CYP2C18: variants seen among roughly 807,000 people sequenced by gnomAD.
CYP2C18 encodes cytochrome P450 2C18.
CYP2C18 carries 38 observed loss-of-function variants against 41.3 expected under a neutral mutation model. The observed-to-expected ratio is 0.92, with a 90% CI of 0.71 to 1.21. The LOEUF is 1.21. Ranked by LOEUF, CYP2C18 falls within the 50% of genes most tolerant of loss-of-function variation. CYP2C18 has a pLI of 0.00. For missense variants in CYP2C18, 635 were observed against 591.4 expected, an observed-to-expected ratio of 1.07 and a Z score of -0.77; for synonymous variants, 236 against 210.0, an observed-to-expected ratio of 1.12 and a Z score of -1.07.
chr10:94,730,449 A>G (rs55897352), intron 7 of CYP2C18, among the ~76,000 whole-genome samples: 1,847 of 152,306 alleles, frequency 0.012, 53 homozygotes, highest in African/African-American at 0.043. Flanking sequence ...TGTTTGATAA[A>G]TACATCCAGA....
intron 7 of CYP2C18, among the ~76,000 whole-genome samples, chr10:94,725,288 T>C (rs1009096940): frequency 2.0e-5 from 3 of 151,926 alleles, no homozygotes; most frequent in South Asian, 2.1e-4. Context: ...TCTTTGTTTC[T>C]GGTACATGGA....
intron 5 of CYP2C18, among the ~76,000 whole-genome samples, chr10:94,712,465 C>T (rs1847456546): frequency 6.6e-6 from 1 of 151,870 alleles, no homozygotes; most frequent in Non-Finnish European, 1.5e-5. Context: ...CCTGACCTGA[C>T]TTTACTTAGC....
In CYP2C18 at chr10:94,688,067, C is replaced by T; in HGVS notation, c.332-58C>T. ...ACCTGTCCACGTGGCTGCCGAGTGT[C>T]AGCTCTCTTGTCCTTGTTTGGATTC... On this transcript the variant is annotated intron_variant, in intron 2 of 8. Coordinates refer to ENST00000285979, the MANE Select transcript of CYP2C18 (RefSeq NM_000772.3). 2.5e-6 allele frequency: 4 copies of T among 1,610,176 alleles called. No homozygotes were observed. The South Asian group carries it at 3.3e-5, about 13-fold the overall frequency.
At chr10:94,697,470 C>A (rs1847139760) in intron 4 of CYP2C18, among the ~76,000 whole-genome samples, 1 of 152,134 alleles carries the variant, frequency 6.6e-6, no homozygotes, top group Admixed American at 6.5e-5. Context: ...TACAAGAGCT[C>A]CTGAAGGAAG....
chr10:94,697,012 C>T (rs1332459037), intron 4 of CYP2C18, among the ~76,000 whole-genome samples: 9 of 152,132 alleles, frequency 5.9e-5, no homozygotes, highest in Admixed American at 5.9e-4. Flanking sequence ...GATTGGTGTA[C>T]CTGAAAGTGA....
At chr10:94,729,419 C>T (rs571122964) in intron 7 of CYP2C18, among the ~76,000 whole-genome samples, 5 of 152,044 alleles carry the variant, frequency 3.3e-5, no homozygotes, top group Admixed American at 2.6e-4. Flanking sequence ...GGGTAATCTT[C>T]CTAACAGCTC....
chr10:94,698,953 C>A (rs1847177618), intron 4 of CYP2C18, among the ~76,000 whole-genome samples: 1 of 152,122 alleles, frequency 6.6e-6, no homozygotes, highest in Admixed American at 6.6e-5. Flanking sequence ...CCTGAATAGA[C>A]CAATAACAGG....
intron 5 of CYP2C18, among the ~76,000 whole-genome samples, chr10:94,712,031 A>C (rs1325703295): frequency 1.5e-5 from 1 of 66,188 alleles, no homozygotes; most frequent in African/African-American, 8.6e-5. Context: ...TTTTTTTTGT[A>C]GAGATAGGGT....
chr10:94,726,216 T>C (rs2134207296), intron 7 of CYP2C18, among the ~76,000 whole-genome samples: 1 of 152,158 alleles, frequency 6.6e-6, no homozygotes, highest in African/African-American at 2.4e-5. Context: ...TTTTTTATTA[T>C]ACTTTAAGTT....
intron 3 of CYP2C18, among the ~76,000 whole-genome samples, chr10:94,689,127 A>G (rs1326641749): frequency 1.3e-5 from 2 of 152,162 alleles, no homozygotes; most frequent in Non-Finnish European, 2.9e-5. Flanking sequence ...AGCTGGTGTT[A>G]TTTAATGTTA....
Position 94,695,697 on chromosome 10 carries a change from G to A in CYP2C18, c.642+620G>A, listed in dbSNP as rs539993919. ...AGCAGGGTGAGGCATTGCCTCACCC[G>A]GGAAGCACAAGGGGTCAGGGAATTC... On this transcript the variant is annotated intron_variant, in intron 4 of 8. Transcript: ENST00000285979. Among the ~76,000 whole-genome samples the A allele has an allele frequency of 5.9e-5, 9 of 152,168 alleles. No homozygotes were observed. The South Asian group carries it at 6.2e-4, about 11-fold the overall frequency.
chr10:94,712,008 A>ATTTTTTTTTTTTTTTTTTTTTTTTTTTT lies in CYP2C18; in HGVS notation c.819+5068_819+5069insTTTTTTTTTTTTTTTTTTTTTTTTTTTT, dbSNP rs35672164. On this transcript the variant is annotated intron_variant, in intron 5 of 8. Coordinates refer to ENST00000285979, the MANE Select transcript of CYP2C18 (RefSeq NM_000772.3). ...AGGTGCATGCCACCATGCCCAACTA[A>ATTTTTTTTTTTTTTTTTTTTTTTTTTTT]TTTTTTTTTTTTTTTTTTTTGTAGA... Among the ~76,000 whole-genome samples, 149 of 97,838 alleles carry ATTTTTTTTTTTTTTTTTTTTTTTTTTTT rather than the reference A, an allele frequency of 1.5e-3. 5 individuals are homozygous for ATTTTTTTTTTTTTTTTTTTTTTTTTTTT. Among genetic ancestry groups the ATTTTTTTTTTTTTTTTTTTTTTTTTTTT allele is most frequent in the South Asian group, 5.5e-3 (13 of 2,374 alleles). 64.2% of individuals were successfully genotyped at this position (97,838 alleles called of 152,430 possible).
intron 5 of CYP2C18, among the ~76,000 whole-genome samples, chr10:94,711,929 ACTC>A (rs1847441973): frequency 6.7e-6 from 1 of 149,576 alleles, no homozygotes; most frequent in African/African-American, 2.5e-5. Context: ...GCAGCCTTGA[ACTC>A]CTGGGCTCAA....
chr10:94,716,012 G>A (rs985288651), intron 5 of CYP2C18, among the ~76,000 whole-genome samples: 1 of 152,128 alleles, frequency 6.6e-6, no homozygotes, highest in African/African-American at 2.4e-5. Flanking sequence ...TTGCATTTCT[G>A]TGGGATCAGT....
At chr10:94,701,497 T>A (rs1326545082) in intron 4 of CYP2C18, among the ~76,000 whole-genome samples, 1 of 152,074 alleles carries the variant, frequency 6.6e-6, no homozygotes, top group African/African-American at 2.4e-5. Flanking sequence ...AGGGATAGCA[T>A]TAGGAGATAC....
chr10:94,724,288 C>T, intron 6 of CYP2C18, 58 bp from the exon 7 acceptor site: 1 of 1,556,136 alleles, frequency 6.4e-7, no homozygotes, highest in East Asian at 2.3e-5. Context: ...ACCTGAATTG[C>T]TACAACAAAT....
Position 94,683,766 on chromosome 10 carries a change from T to C in CYP2C18, c.-54T>C. On this transcript the variant is annotated 5_prime_UTR_variant, in exon 1 of 9. Transcript: ENST00000285979. ...ACAGGTGGATTAGTAGGGAGTGTTA[T>C]AAAAGCCTTGAAGTGAAAGCCCGCA... 35 of 1,429,396 alleles carry C rather than the reference T, an allele frequency of 2.4e-5. No homozygotes were observed. Among genetic ancestry groups the C allele is most frequent in the Non-Finnish European group, 3.3e-5 (35 of 1,062,288 alleles). 88.5% of individuals were successfully genotyped at this position (1,429,396 alleles called of 1,614,324 possible).
intron 7 of CYP2C18, among the ~76,000 whole-genome samples, chr10:94,726,689 TTGAC>T (rs1847748678): frequency 6.6e-6 from 1 of 151,904 alleles, no homozygotes; most frequent in Non-Finnish European, 1.5e-5. Flanking sequence ...CCATCAAAAA[TTGAC>T]TGTAACCTCT....
intron 1 of CYP2C18, among the ~76,000 whole-genome samples, chr10:94,685,343 G>T (rs919107697): frequency 1.3e-5 from 2 of 151,950 alleles, no homozygotes; most frequent in East Asian, 3.9e-4. Context: ...CCCTTTGCTC[G>T]TTTTAAATAG....
Sources: allele counts gnomAD v4.1 joint callset (sites outside exome capture counted in the v4.1 genomes callset), GRCh38; gene constraint gnomAD v4.1.1; transcripts MANE v1.5; gene names NCBI Gene and HGNC (gene_info 2026-07-23, HGNC 2026-07-21).